PCNT: variants seen among roughly 807,000 people sequenced by gnomAD.
The protein encoded by PCNT is pericentrin, also known as kendrin.
In PCNT, 319 loss-of-function variants were observed where a neutral mutation model predicts 380.4. The observed-to-expected ratio is 0.84, with a 90% CI of 0.77 to 0.92. The LOEUF (loss-of-function observed/expected upper bound fraction) is 0.92, where lower values mean the gene tolerates loss of function less well. PCNT is among the 40% of genes least tolerant of loss of function. The pLI is 0.00. For missense variants in PCNT, 4,400 were observed against 4,255.3 expected (o/e 1.03, Z -0.95); for synonymous variants, 1,845 against 1,735.2 (o/e 1.06, Z -1.57).
intron 3 of PCNT, among the ~76,000 whole-genome samples, chr21:46,337,195 T>TC (rs1168880265): frequency 6.6e-6 from 1 of 152,092 alleles, no homozygotes; most frequent in African/African-American, 2.4e-5. Context: ...CAGGCTGGTC[T>TC]CCAACTCCTG....
At position 46,398,065 on chromosome 21, in the gene PCNT, C is replaced by A. The variant is rs150243540; in HGVS notation, c.4498C>A (p.Gln1500Lys). The change falls in exon 23 of 47, where the codon CAG becomes AAG. Residue 1500 changes from glutamine (Q) to lysine (K), a missense_variant. Transcript: ENST00000359568. ...GCGCGAGGAGTTCCAGCAGGAGATT[C>A]AGAGGCTGGAGGGGCAGCTCCGCCA... ...HEREEFQQEI[Q>K]RLEGQLRQAA... The A allele has an allele frequency of 4.6e-5, 73 of 1,597,212 alleles. No individual in the cohort carries two copies. The African/African-American group carries it at 7.8e-4, about 17-fold the overall frequency.
chr21:46,445,191 T>C, intron 46 of PCNT, 93 bp from the exon 47 acceptor site: 1 of 874,562 alleles, frequency 1.1e-6, no homozygotes, highest in Non-Finnish European at 2.0e-6. Context: ...TTTACATGAA[T>C]TCAGTGATAG....
Position 46,333,518 on chromosome 21 carries a change from A to T in PCNT, c.268-879A>T, listed in dbSNP as rs538883121. Among the ~76,000 whole-genome samples, 466 of 152,072 alleles carry T rather than the reference A, an allele frequency of 3.1e-3. 3 individuals carry two copies. Among genetic ancestry groups the T allele is most frequent in the African/African-American group, 0.011 (446 of 41,506 alleles). On this transcript the variant is annotated intron_variant, in intron 2 of 46. Coordinates refer to ENST00000359568, the MANE Select transcript of PCNT (RefSeq NM_006031.6). ...GCTACTCGGGAGGCTGAGGCAGGAG[A>T]ATTGTTTGAACCCGGAGGCGGAGGT...
rs759803403 is a variant in PCNT, at chr21:46,428,573, A to G, written c.7673A>G (p.His2558Arg). The G allele has an allele frequency of 1.1e-5, 17 of 1,601,468 alleles. No homozygotes were observed. Among genetic ancestry groups the G allele is most frequent in the Non-Finnish European group, 1.4e-5 (17 of 1,178,588 alleles). Residue 2558 changes from histidine to arginine, a missense_variant, in exon 35 of 47, where the codon CAC becomes CGC. His to Arg is a conservative substitution (Grantham distance 29). Coordinates refer to ENST00000359568, the MANE Select transcript of PCNT (RefSeq NM_006031.6). ...GAGGCGCGCGGGAGCCAGCAGGAGCACCAGCTGCGCAGGCAGGGTGGGTGT... is the reference window on the plus strand; with the variant it reads ...GAGGCGCGCGGGAGCCAGCAGGAGCGCCAGCTGCGCAGGCAGGGTGGGTGT... ...SAEARGSQQEHQLRRQVELLA... is the reference protein window; with the variant it reads ...SAEARGSQQERQLRRQVELLA...
chr21:46,344,947 AT>A, intron 3 of PCNT, among the ~76,000 whole-genome samples: 1 of 152,226 alleles, frequency 6.6e-6, no homozygotes, highest in East Asian at 1.9e-4. Context: ...ATTTGGGTGC[AT>A]TTGTTTCTTG....
chr21:46,399,315 G>A (rs1466061380), intron 24 of PCNT, among the ~76,000 whole-genome samples: 13 of 150,726 alleles, frequency 8.6e-5, no homozygotes, highest in Non-Finnish European at 1.6e-4. Flanking sequence ...TTTTCAGCCT[G>A]TGGGTCTAGG....
chr21:46,435,843 G>T, intron 38 of PCNT, 61 bp from the exon 39 acceptor site: 1 of 1,609,118 alleles, frequency 6.2e-7, no homozygotes, highest in Non-Finnish European at 8.5e-7. Context: ...CGCCCGGCCG[G>T]CAGTTTTGTT....
intron 26 of PCNT, 108 bp from the exon 27 acceptor site, chr21:46,402,223 G>T: frequency 1.3e-6 from 1 of 748,638 alleles, no homozygotes; most frequent in Non-Finnish European, 2.2e-6. Flanking sequence ...ATTGCTTTAG[G>T]CATGTGCATT....
chr21:46,431,200 G>T (rs2087748683), intron 37 of PCNT: 1 of 1,231,214 alleles, frequency 8.1e-7, no homozygotes. Context: ...TTCTGAAGAG[G>T]GGGCAGGAGC....
At chr21:46,342,533 T>C (rs1387456227) in intron 3 of PCNT, among the ~76,000 whole-genome samples, 3 of 149,664 alleles carry the variant, frequency 2.0e-5, no homozygotes, top group Non-Finnish European at 3.0e-5. Context: ...ATCAATTCTT[T>C]CTTTTTTTTT....
rs765045895 is a variant in PCNT at position 46,359,226 on chromosome 21, T to TAC, written c.2154+2037_2154+2038dup. ...CCTTGGCCTCCCAAAGTGTTGGGAC[T>TAC]ACAGGCGTGAGCCACCGAACCTGGC... On this transcript the variant is annotated intron_variant, in intron 13 of 46. Coordinates refer to ENST00000359568, the MANE Select transcript of PCNT (RefSeq NM_006031.6). Among the ~76,000 whole-genome samples, 313 of 149,538 alleles carry TAC rather than the reference T, an allele frequency of 2.1e-3. 19 individuals are homozygous for TAC. Among genetic ancestry groups the TAC allele is most frequent in the Non-Finnish European group, 3.6e-3 (238 of 66,766 alleles).
At chr21:46,405,999 TAAAGA>T (rs1212432990) in intron 27 of PCNT, among the ~76,000 whole-genome samples, 1 of 152,226 alleles carries the variant, frequency 6.6e-6, no homozygotes, top group Non-Finnish European at 1.5e-5. Flanking sequence ...CTTTATATAA[TAAAGA>T]AAAGTAAAAT....
chr21:46,438,874 T>C (rs1231386156), intron 41 of PCNT, among the ~76,000 whole-genome samples: 4 of 151,984 alleles, frequency 2.6e-5, no homozygotes, highest in Non-Finnish European at 5.9e-5. Context: ...GGTTTTGCCA[T>C]GTTGGCCAGG....
chr21:46,442,755 A>ACTG, intron 44 of PCNT, 182 bp downstream of exon 44: 1 of 645,480 alleles, frequency 1.5e-6, no homozygotes, highest in African/African-American at 1.8e-5. Flanking sequence ...GGGAGGTCAG[A>ACTG]GCTCATGTTA....
chr21:46,368,288 C>A (rs187881800), intron 15 of PCNT, among the ~76,000 whole-genome samples: 91 of 151,836 alleles, frequency 6.0e-4, no homozygotes, highest in East Asian at 4.1e-3. Context: ...TACTAAAAAT[C>A]CAAAAAAAAA....
intron 15 of PCNT, among the ~76,000 whole-genome samples, chr21:46,376,535 C>T (rs1044695569): frequency 6.6e-6 from 1 of 152,214 alleles, no homozygotes; most frequent in African/African-American, 2.4e-5. Context: ...TTGTGGGCAC[C>T]ATGGTGGCGC....
At chr21:46,413,706 T>G (rs2086896370) in intron 29 of PCNT, among the ~76,000 whole-genome samples, 1 of 152,196 alleles carries the variant, frequency 6.6e-6, no homozygotes, top group Non-Finnish European at 1.5e-5. Context: ...ATGGCCAGCG[T>G]CTGTTTTACT....
intron 13 of PCNT, among the ~76,000 whole-genome samples, chr21:46,358,603 G>T (rs573716389): frequency 6.6e-6 from 1 of 150,716 alleles, no homozygotes; most frequent in Admixed American, 6.7e-5. Context: ...GTGACTTTTT[G>T]TTGTTGTTGT....
At position 46,328,648 on chromosome 21, in the gene PCNT, A is replaced by G. The variant is rs191334618; in HGVS notation, c.267+2059A>G. On this transcript the variant is annotated intron_variant, in intron 2 of 46. Transcript: ENST00000359568. ...GCTAATTTTTGTATTTTTAGTAGAG[A>G]CAGGGTTTCACCATGTTGGTCAGGC... 5.2e-3 allele frequency among the ~76,000 whole-genome samples: 784 copies of G among 151,752 alleles called. 24 individuals are homozygous for G. Among genetic ancestry groups the G allele is most frequent in the Non-Finnish European group, 1.3e-3 (89 of 67,934 alleles).
Sources: gnomAD v4.1 joint callset for allele counts (sites outside exome capture counted in the v4.1 genomes callset) on GRCh38, gnomAD v4.1.1 for gene constraint, MANE v1.5 for transcripts, NCBI Gene and HGNC (gene_info 2026-07-23, HGNC 2026-07-21) for gene names.